Variants in DAB1 observed in about 807,000 individuals in gnomAD.
DAB1 encodes disabled homolog 1.
A neutral mutation model predicts 64.6 loss-of-function variants in DAB1; 15 were observed. That is an observed-to-expected ratio of 0.23 (90% CI 0.16 to 0.36). The LOEUF (loss-of-function observed/expected upper bound fraction) is 0.36, where lower values mean the gene tolerates loss of function less well. Among genes scored for constraint, DAB1 ranks in the 10% least tolerant of loss-of-function variants. The probability of loss-of-function intolerance (pLI) is 1.00; values close to 1 mark genes in which losing one functional copy is unlikely to be tolerated. For missense variants in DAB1, 596 were observed against 706.7 expected (o/e 0.84, Z 1.78); for synonymous variants, 235 against 251.9 (o/e 0.93, Z 0.64).
At chr1:57,558,412 C>T (rs1053793951) in intron 7 of DAB1, among the ~76,000 whole-genome samples, 13 of 152,102 alleles carry the variant, frequency 8.5e-5, no homozygotes, top group African/African-American at 3.1e-4. Context: ...CCCAGCGGGC[C>T]CCTAGAGGTG....
intron 3 of DAB1, among the ~76,000 whole-genome samples, chr1:58,399,424 A>C (rs937698238): frequency 6.6e-5 from 10 of 152,216 alleles, no homozygotes; most frequent in African/African-American, 2.4e-4. Context: ...ATTGGCTATC[A>C]GAGTCAGATT....
intron 6 of DAB1, among the ~76,000 whole-genome samples, chr1:57,814,238 G>A (rs1248469350): frequency 6.6e-6 from 1 of 152,102 alleles, no homozygotes; most frequent in South Asian, 2.1e-4. Flanking sequence ...CATTTCCAGC[G>A]CTGAACTGGA....
chr1:58,380,546 A>G (rs1644378348), intron 3 of DAB1, among the ~76,000 whole-genome samples: 1 of 152,238 alleles, frequency 6.6e-6, no homozygotes, highest in Non-Finnish European at 1.5e-5. Flanking sequence ...CTGGAGGCAC[A>G]TATTTGCATC....
At chr1:57,360,407 A>C (rs543645829) in intron 1 of DAB1, among the ~76,000 whole-genome samples, 1 of 152,238 alleles carries the variant, frequency 6.6e-6, no homozygotes, top group South Asian at 2.1e-4. Flanking sequence ...AATTTGGATA[A>C]GCCCATGTCA....
intron 9 of DAB1, among the ~76,000 whole-genome samples, chr1:57,054,928 G>A (rs1649599468): frequency 6.6e-6 from 1 of 152,194 alleles, no homozygotes; most frequent in South Asian, 2.1e-4. Flanking sequence ...TCTGAGCACT[G>A]CTGAGTAGAG....
intron 9 of DAB1, among the ~76,000 whole-genome samples, chr1:57,031,880 T>A (rs1388302755): frequency 1.3e-5 from 2 of 152,142 alleles, no homozygotes; most frequent in Non-Finnish European, 2.9e-5. Context: ...GAGATGGCAG[T>A]TTTGCCCCTT....
intron 2 of DAB1, among the ~76,000 whole-genome samples, chr1:58,518,223 G>C (rs185122030): frequency 0.027 from 75 of 2,782 alleles, 2 homozygotes; most frequent in African/African-American, 0.082. Flanking sequence ...AGAGGGGAGA[G>C]GGGAGAGGGG....
intron 2 of DAB1, among the ~76,000 whole-genome samples, chr1:58,509,748 G>A (rs998433256): frequency 9.9e-5 from 15 of 151,384 alleles, no homozygotes; most frequent in African/African-American, 2.9e-4. Flanking sequence ...CTGACAAGTC[G>A]TTAGAGTAAG....
chr1:57,760,601 T>TTCTCTCTCTCTCTCTC (rs140338730), intron 6 of DAB1, among the ~76,000 whole-genome samples: 2 of 105,404 alleles, frequency 1.9e-5, no homozygotes, highest in Admixed American at 9.9e-5. Context: ...CTCAACTTCT[T>TTCTCTCTCTCTCTCTC]TCTCTCTCTC....
chr1:57,353,080 A>G (rs1180546803), intron 1 of DAB1, among the ~76,000 whole-genome samples: 4 of 150,384 alleles, frequency 2.7e-5, no homozygotes, highest in Admixed American at 1.3e-4. Context: ...TTTTCCATGT[A>G]TACATATTTT....
intron 6 of DAB1, among the ~76,000 whole-genome samples, chr1:57,813,567 A>G (rs1187631824): frequency 4.6e-5 from 7 of 152,212 alleles, no homozygotes; most frequent in Non-Finnish European, 1.0e-4. Context: ...AACCCATGGG[A>G]ACACAGAAGG....
At chr1:57,395,655 C>G (rs981445658) in intron 1 of DAB1, among the ~76,000 whole-genome samples, 3 of 152,196 alleles carry the variant, frequency 2.0e-5, no homozygotes, top group African/African-American at 7.2e-5. Flanking sequence ...AGCTACTGAG[C>G]ATCTGAAATG....
chr1:57,595,449 A>G (rs142085097), intron 7 of DAB1, among the ~76,000 whole-genome samples: 160 of 152,254 alleles, frequency 1.1e-3, no homozygotes, highest in African/African-American at 3.7e-3. Context: ...TGTGGTAAGC[A>G]GTAGACGTAG....
chr1:58,164,652 G>A (rs959660876), intron 4 of DAB1, among the ~76,000 whole-genome samples: 1 of 152,268 alleles, frequency 6.6e-6, no homozygotes, highest in Non-Finnish European at 1.5e-5. Flanking sequence ...AACACATTAC[G>A]AAATGCTACC....
intron 4 of DAB1, among the ~76,000 whole-genome samples, chr1:57,113,491 C>T (rs1396385705): frequency 6.6e-6 from 1 of 152,148 alleles, no homozygotes; most frequent in Admixed American, 6.5e-5. Flanking sequence ...GCTTTGTGGA[C>T]CATACTGCTT....
At chr1:58,207,417 C>T (rs1314825623) in intron 4 of DAB1, among the ~76,000 whole-genome samples, 1 of 152,222 alleles carries the variant, frequency 6.6e-6, no homozygotes, top group East Asian at 1.9e-4. Context: ...ACTTCTCCTA[C>T]TGCTGCTTAG....
chr1:57,980,846 CTG>C (rs1277305262), intron 5 of DAB1, among the ~76,000 whole-genome samples: 2 of 151,772 alleles, frequency 1.3e-5, no homozygotes, highest in East Asian at 3.9e-4. Context: ...TTCTGTAAAT[CTG>C]TTTTAATAAA....
chr1:57,875,386 CT>C (rs1334642071), intron 1 of DAB1, among the ~76,000 whole-genome samples: 1 of 152,112 alleles, frequency 6.6e-6, no homozygotes, highest in Non-Finnish European at 1.5e-5. Context: ...CAATTTCTAC[CT>C]TGCTCTACGA....
intron 2 of DAB1, among the ~76,000 whole-genome samples, chr1:58,526,337 GA>G (rs962308678): frequency 5.0e-4 from 76 of 152,212 alleles, no homozygotes; most frequent in Admixed American, 4.8e-3. Flanking sequence ...TAAAACTTAT[GA>G]GAGGTTCAAA....
Sources: allele counts gnomAD v4.1 joint callset (sites outside exome capture counted in the v4.1 genomes callset), GRCh38; gene constraint gnomAD v4.1.1; transcripts MANE v1.5; gene names NCBI Gene and HGNC (gene_info 2026-07-23, HGNC 2026-07-21).